Variants in CCDC85A observed in about 807,000 individuals in gnomAD.
CCDC85A encodes the protein coiled-coil domain-containing protein 85A.
A neutral mutation model predicts 50.2 loss-of-function variants in CCDC85A; 38 were observed. That is an observed-to-expected ratio of 0.76 (90% CI 0.58 to 0.99). The LOEUF is 0.99. CCDC85A is among the 50% of genes least tolerant of loss of function. The probability of loss-of-function intolerance (pLI) is 0.00; values close to 1 mark genes in which losing one functional copy is unlikely to be tolerated. For synonymous variants in CCDC85A, 366 were observed against 301.4 expected (o/e 1.21, Z -2.22); for missense variants, 820 against 742.0 (o/e 1.11, Z -1.22).
rs1463603331 is a variant in CCDC85A, at chr2:56,345,821, T to A, written c.1317+2866T>A. ...TTTCCCTGCAGAAACTGTTTCTAAC[T>A]ATGATGTTAGCTGATTTGCAAGGTC... On this transcript the variant is annotated intron_variant, in intron 3 of 5. Transcript: ENST00000407595. Among the ~76,000 whole-genome samples the A allele has an allele frequency of 2.6e-5, 4 of 152,336 alleles. No homozygotes were observed. The East Asian group carries it at 7.7e-4, about 29-fold the overall frequency.
At chr2:56,352,324 G>A (rs1287362458) in intron 3 of CCDC85A, among the ~76,000 whole-genome samples, 1 of 152,058 alleles carries the variant, frequency 6.6e-6, no homozygotes, top group African/African-American at 2.4e-5. Context: ...GACAGTTTAA[G>A]TGAATACATT....
chr2:56,339,902 T>A (rs1306412025), intron 2 of CCDC85A, among the ~76,000 whole-genome samples: 2 of 152,214 alleles, frequency 1.3e-5, no homozygotes, highest in Non-Finnish European at 2.9e-5. Flanking sequence ...GCTGCATACT[T>A]TTCCCCTCTT....
intron 2 of CCDC85A, among the ~76,000 whole-genome samples, chr2:56,325,415 T>G (rs1462810692): frequency 6.6e-6 from 1 of 152,120 alleles, no homozygotes; most frequent in Non-Finnish European, 1.5e-5. Flanking sequence ...TGGATTACTT[T>G]AAAATTAGTG....
At chr2:56,371,315 T>C (rs1479782972) in intron 3 of CCDC85A, among the ~76,000 whole-genome samples, 1 of 152,064 alleles carries the variant, frequency 6.6e-6, no homozygotes, top group Admixed American at 6.6e-5. Context: ...GTGCATTTTC[T>C]TTTTTCAACC....
intron 2 of CCDC85A, among the ~76,000 whole-genome samples, chr2:56,273,796 T>A (rs1001165488): frequency 6.6e-6 from 1 of 151,854 alleles, no homozygotes; most frequent in Non-Finnish European, 1.5e-5. Context: ...GGGGTAACTG[T>A]GAGGAGGGAG....
At position 56,307,898 on chromosome 2, in the gene CCDC85A, G is replaced by C. The variant is rs553823629; in HGVS notation, c.1241-34981G>C. On this transcript the variant is annotated intron_variant, in intron 2 of 5. Coordinates refer to ENST00000407595, the MANE Select transcript of CCDC85A (RefSeq NM_001080433.2). ...GTCTTTTGCCATTTAAAGTGAGCTA[G>C]GCTATGCATGAGAATGCAGAAAAGA... is the stretch of plus-strand genomic sequence containing the variant. Among the ~76,000 whole-genome samples the C allele has an allele frequency of 3.3e-5, 5 of 152,296 alleles. No individual in the cohort carries two copies. The South Asian group carries it at 8.3e-4, about 25-fold the overall frequency.
chr2:56,354,535 G>C (rs993643253), intron 3 of CCDC85A, among the ~76,000 whole-genome samples: 1 of 152,166 alleles, frequency 6.6e-6, no homozygotes, highest in Non-Finnish European at 1.5e-5. Context: ...CCTTTCTTTA[G>C]ATTTTCTGGT....
At position 56,199,586 on chromosome 2, in the gene CCDC85A, CTAA is replaced by C. The variant is rs1377478579; in HGVS notation, c.1240+6147_1240+6149del. 1.1e-4 allele frequency among the ~76,000 whole-genome samples: 16 copies of C among 151,800 alleles called. No individual in the cohort carries two copies. In the Middle Eastern group the frequency reaches 0.01, roughly 97 times the overall value. ...TGAGTATTCTTTTTTTTTTAATCTC[CTAA>C]AAATAGATTTCCAATCACTTCTAGT... is the stretch of plus-strand genomic sequence containing the variant. On this transcript the variant is annotated intron_variant, in intron 2 of 5. Coordinates refer to ENST00000407595, the MANE Select transcript of CCDC85A (RefSeq NM_001080433.2).
chr2:56,280,897 T>A (rs554318769), intron 2 of CCDC85A, among the ~76,000 whole-genome samples: 3 of 152,242 alleles, frequency 2.0e-5, no homozygotes, highest in Non-Finnish European at 4.4e-5. Context: ...TAGAAATTAA[T>A]ATTTATAGGA....
At chr2:56,320,517 C>T (rs1246261735) in intron 2 of CCDC85A, among the ~76,000 whole-genome samples, 2 of 152,212 alleles carry the variant, frequency 1.3e-5, no homozygotes, top group African/African-American at 4.8e-5. Flanking sequence ...AACACCTCTA[C>T]ACAAATAAAC....
intron 3 of CCDC85A, among the ~76,000 whole-genome samples, chr2:56,346,764 G>A (rs754524336): frequency 1.6e-4 from 25 of 152,156 alleles, no homozygotes; most frequent in Non-Finnish European, 2.6e-4. Context: ...ATATTCTTCC[G>A]AGCACATGAA....
intron 3 of CCDC85A, among the ~76,000 whole-genome samples, chr2:56,365,049 A>G (rs1306323743): frequency 6.6e-6 from 1 of 152,144 alleles, no homozygotes; most frequent in Non-Finnish European, 1.5e-5. Context: ...CAACTCCTGC[A>G]TGTCATGTTG....
At chr2:56,251,312 A>G (rs777096826) in intron 2 of CCDC85A, among the ~76,000 whole-genome samples, 9 of 152,194 alleles carry the variant, frequency 5.9e-5, no homozygotes, top group Non-Finnish European at 1.2e-4. Context: ...TATTTGTTGA[A>G]CACATGGATG....
intron 2 of CCDC85A, among the ~76,000 whole-genome samples, chr2:56,310,283 T>C (rs1395674894): frequency 6.6e-6 from 1 of 152,170 alleles, no homozygotes; most frequent in African/African-American, 2.4e-5. Context: ...GTAGGAGAGC[T>C]GTACCCTAAT....
At chr2:56,381,684 G>A (rs1011151169) in intron 5 of CCDC85A, among the ~76,000 whole-genome samples, 1 of 152,050 alleles carries the variant, frequency 6.6e-6, no homozygotes. Flanking sequence ...TCTTACAGAG[G>A]GGGCCATCTC....
At chr2:56,258,435 A>G (rs999134275) in intron 2 of CCDC85A, among the ~76,000 whole-genome samples, 5 of 152,332 alleles carry the variant, frequency 3.3e-5, no homozygotes, top group Non-Finnish European at 7.3e-5. Context: ...TCTCCCTGCC[A>G]TACCTCACCA....
At chr2:56,213,100 G>A (rs1677245461) in intron 2 of CCDC85A, among the ~76,000 whole-genome samples, 1 of 151,976 alleles carries the variant, frequency 6.6e-6, no homozygotes, top group South Asian at 2.1e-4. Context: ...TATGTGTAGA[G>A]GAGATATAAT....
chr2:56,315,963 C>G (rs1672903126), intron 2 of CCDC85A, among the ~76,000 whole-genome samples: 1 of 152,182 alleles, frequency 6.6e-6, no homozygotes, highest in Non-Finnish European at 1.5e-5. Context: ...TCCCAACTTC[C>G]CTCCTTAGTT....
rs536827686 is a variant in CCDC85A at position 56,193,050 on chromosome 2, C to T, written c.850C>T (p.Pro284Ser). Reference protein sequence around the residue: ...LKGPSPEHHKPLCKGSPEQQR... With the variant: ...LKGPSPEHHKSLCKGSPEQQR... ...AGGACCTAGCCCGGAGCACCACAAA[C>T]CCTTGTGCAAGGGCAGCCCCGAACA... Residue 284 changes from proline to serine, a missense_variant, in exon 2 of 6, where the codon CCC becomes TCC. Physicochemically the swap from Pro to Ser is moderately conservative, Grantham distance 74. Transcript: ENST00000407595. 1.2e-6 allele frequency: 2 copies of T among 1,613,920 alleles called. No individual in the cohort carries two copies. The highest frequency in any genetic ancestry group is 3.3e-5 in the Admixed American group (2 of 60,020).
Sources: gnomAD v4.1 joint callset for allele counts (sites outside exome capture counted in the v4.1 genomes callset) on GRCh38, gnomAD v4.1.1 for gene constraint, MANE v1.5 for transcripts, NCBI Gene and HGNC (gene_info 2026-07-23, HGNC 2026-07-21) for gene names.